MAGI2: variants seen among roughly 807,000 people sequenced by gnomAD.
The protein encoded by MAGI2 is membrane associated guanylate kinase, WW and PDZ domain containing 2, also known as membrane-associated guanylate kinase, WW and PDZ domain-containing protein 2.
Under a neutral mutation model 133.3 loss-of-function variants are expected in MAGI2, and 35 were observed. The observed-to-expected ratio is 0.26, with a 90% CI of 0.20 to 0.35. The LOEUF is 0.35. MAGI2 is among the 10% of genes least tolerant of loss of function. The pLI, the probability that MAGI2 is intolerant of heterozygous loss-of-function variation, is 1.00. For synonymous variants in MAGI2, 729 were observed against 710.6 expected (o/e 1.03, Z -0.41); for missense variants, 1,636 against 1,863.4 (o/e 0.88, Z 2.25).
intron 3 of MAGI2, among the ~76,000 whole-genome samples, chr7:78,623,556 G>T (rs117170322): frequency 2.3e-4 from 35 of 152,000 alleles, no homozygotes; most frequent in African/African-American, 6.7e-4. Flanking sequence ...ATATGAAGAA[G>T]GTACAGCACT....
At chr7:78,170,932 G>A (rs923670589) in intron 14 of MAGI2, 2 of 152,152 alleles carry the variant, frequency 1.3e-5, no homozygotes, top group Non-Finnish European at 2.9e-5. Context: ...TGTGCCGTGT[G>A]GTTGCTAGTG....
intron 1 of MAGI2, among the ~76,000 whole-genome samples, chr7:79,431,493 T>C (rs1847774723): frequency 6.6e-6 from 1 of 152,234 alleles, no homozygotes. Context: ...CTATTTATAG[T>C]ATTTTATATT....
chr7:79,426,728 T>C (rs1189091582), intron 1 of MAGI2, among the ~76,000 whole-genome samples: 1 of 152,168 alleles, frequency 6.6e-6, no homozygotes, highest in Non-Finnish European at 1.5e-5. Context: ...CCAGTTCCCC[T>C]TAAAATTTGC....
chr7:79,173,222 T>C (rs1825781350), intron 1 of MAGI2, among the ~76,000 whole-genome samples: 1 of 152,092 alleles, frequency 6.6e-6, no homozygotes, highest in Non-Finnish European at 1.5e-5. Flanking sequence ...GAGGTCTTTC[T>C]TAAGAAACAT....
chr7:79,228,354 C>CAAAAAAAAAAGAAAAAAAAAAAAA (rs1831047856), intron 1 of MAGI2, among the ~76,000 whole-genome samples: 1 of 31,438 alleles, frequency 3.2e-5, no homozygotes, highest in African/African-American at 7.5e-5. Context: ...AAAAAACAGG[C>CAAAAAAAAAAGAAAAAAAAAAAAA]AAAAAAAAAA....
chr7:78,461,731 G>C (rs1790041155), intron 6 of MAGI2, among the ~76,000 whole-genome samples: 1 of 151,520 alleles, frequency 6.6e-6, no homozygotes, highest in Non-Finnish European at 1.5e-5. Context: ...GACCAACATG[G>C]AGAAACCCCG....
intron 2 of MAGI2, among the ~76,000 whole-genome samples, chr7:78,797,256 A>C (rs559519585): frequency 2.6e-5 from 4 of 152,286 alleles, no homozygotes; most frequent in African/African-American, 9.6e-5. Flanking sequence ...CACAATATAT[A>C]AAACTATATC....
chr7:79,420,278 G>A (rs1039263157), intron 1 of MAGI2, among the ~76,000 whole-genome samples: 3 of 151,946 alleles, frequency 2.0e-5, no homozygotes, highest in African/African-American at 4.8e-5. Flanking sequence ...AGAAAATTAA[G>A]TTTAAAGTTC....
At chr7:78,683,742 A>G (rs1037313107) in intron 2 of MAGI2, among the ~76,000 whole-genome samples, 2 of 152,164 alleles carry the variant, frequency 1.3e-5, no homozygotes, top group African/African-American at 4.8e-5. Flanking sequence ...CCTAATCATA[A>G]GATCACTCAT....
intron 3 of MAGI2, among the ~76,000 whole-genome samples, chr7:78,555,421 C>A (rs1349939751): frequency 2.6e-5 from 4 of 151,910 alleles, no homozygotes; most frequent in Non-Finnish European, 5.9e-5. Context: ...TCAGAAATTT[C>A]ATATGAGATA....
Position 78,626,825 on chromosome 7 carries a change from AATGTGT to A in MAGI2, c.538+289_538+294del, listed in dbSNP as rs1368451689. On this transcript the variant is annotated intron_variant, in intron 3 of 21. Coordinates refer to ENST00000354212, the MANE Select transcript of MAGI2 (RefSeq NM_012301.4). Reference sequence around the variant, plus strand: ...CAGGAGACAAGCACAAGAATACTTCAATGTGTGTGTGTGTGTGTGTGTGTGTGTGTG... The same window carrying A: ...CAGGAGACAAGCACAAGAATACTTCAGTGTGTGTGTGTGTGTGTGTGTGTG... Among the ~76,000 whole-genome samples the A allele has an allele frequency of 7.6e-3, 456 of 59,962 alleles. 4 individuals carry two copies. The highest frequency in any genetic ancestry group is 7.0e-3 in the Non-Finnish European group (217 of 30,956). The allele number at this position is 59,962 out of a possible 152,430, so 39.3% of individuals were successfully genotyped here.
intron 2 of MAGI2, among the ~76,000 whole-genome samples, chr7:78,877,202 G>C (rs1263010114): frequency 6.6e-6 from 1 of 152,136 alleles, no homozygotes; most frequent in Non-Finnish European, 1.5e-5. Context: ...GAGGAATCTG[G>C]TTTCTTCATT....
chr7:79,336,147 A>G (rs2129095262), intron 1 of MAGI2, among the ~76,000 whole-genome samples: 1 of 152,256 alleles, frequency 6.6e-6, no homozygotes, highest in South Asian at 2.1e-4. Context: ...TTTACAATAT[A>G]TTGGTTTACA....
chr7:78,214,913 G>C (rs1461894751), intron 10 of MAGI2, among the ~76,000 whole-genome samples: 1 of 152,214 alleles, frequency 6.6e-6, no homozygotes, highest in Non-Finnish European at 1.5e-5. Flanking sequence ...TTCTCCTGTA[G>C]AACTTCCCAG....
chr7:78,649,170 A>T (rs1347484584), intron 2 of MAGI2, among the ~76,000 whole-genome samples: 1 of 135,148 alleles, frequency 7.4e-6, no homozygotes, highest in Non-Finnish European at 1.5e-5. Context: ...TGTTGAAAGA[A>T]ACAGTAATCT....
intron 2 of MAGI2, among the ~76,000 whole-genome samples, chr7:78,973,963 T>C (rs1345872783): frequency 1.3e-5 from 2 of 151,824 alleles, no homozygotes; most frequent in Non-Finnish European, 2.9e-5. Context: ...CCAAAGTAGT[T>C]AGGGAATGCT....
chr7:78,498,290 A>G (rs1794309566), intron 5 of MAGI2, among the ~76,000 whole-genome samples: 1 of 152,170 alleles, frequency 6.6e-6, no homozygotes, highest in African/African-American at 2.4e-5. Flanking sequence ...TCTGAGACAC[A>G]TGGTGGCTTT....
intron 20 of MAGI2, among the ~76,000 whole-genome samples, chr7:78,085,006 A>G (rs1186817370): frequency 6.6e-6 from 1 of 152,182 alleles, no homozygotes; most frequent in African/African-American, 2.4e-5. Context: ...CCAAGTGCCT[A>G]TTACAGGGCC....
At chr7:78,314,109 T>C (rs1028751979) in intron 9 of MAGI2, among the ~76,000 whole-genome samples, 2 of 152,180 alleles carry the variant, frequency 1.3e-5, no homozygotes, top group Non-Finnish European at 2.9e-5. Context: ...AATACAAAGA[T>C]AGATTGATTT....
Sources: gnomAD v4.1 joint callset for allele counts (sites outside exome capture counted in the v4.1 genomes callset) on GRCh38, gnomAD v4.1.1 for gene constraint, MANE v1.5 for transcripts, NCBI Gene and HGNC (gene_info 2026-07-23, HGNC 2026-07-21) for gene names.